Variants in DNAH1 observed in about 807,000 individuals in gnomAD.
DNAH1 encodes axonemal beta dynein heavy chain 1.
Under a neutral mutation model 484.3 loss-of-function variants are expected in DNAH1, and 327 were observed. That is an observed-to-expected ratio of 0.68 (90% CI 0.62 to 0.74). The LOEUF (loss-of-function observed/expected upper bound fraction) is 0.74. DNAH1 is among the 30% of genes least tolerant of loss of function. DNAH1 has a pLI of 0.00. For missense variants in DNAH1, 5,052 were observed against 5,546.8 expected, an observed-to-expected ratio of 0.91 and a Z score of 2.83; for synonymous variants, 2,192 against 2,191.9, an observed-to-expected ratio of 1.00 and a Z score of 0.00.
intron 8 of DNAH1, among the ~76,000 whole-genome samples, chr3:52,339,041 A>G (rs1162882487): frequency 6.6e-6 from 1 of 152,082 alleles, no homozygotes; most frequent in Non-Finnish European, 1.5e-5. Flanking sequence ...CTAAAAAAAA[A>G]AAAATTCCCT....
In DNAH1 at chr3:52,399,720, G is replaced by C; in HGVS notation, c.12617G>C (p.Arg4206Pro). 1 of 1,613,984 alleles carries C rather than the reference G, an allele frequency of 6.2e-7. No individual in the cohort carries two copies. Among genetic ancestry groups the C allele is most frequent in the Non-Finnish European group, 8.5e-7 (1 of 1,179,882 alleles). ...AVIWLLPTPN[R>P]KAQDQDFYLC... Reference sequence around the variant, plus strand: ...ATCTGGCTCTTGCCAACACCCAACCGCAAGGCCCAGGACCAGGACTTTTAC... The same window carrying C: ...ATCTGGCTCTTGCCAACACCCAACCCCAAGGCCCAGGACCAGGACTTTTAC... Residue 4206 changes from arginine (R) to proline (P), a missense_variant, in exon 77 of 78, where the codon CGC (arginine) becomes CCC (proline). Physicochemically the swap from Arg to Pro is moderately radical, Grantham distance 103. Coordinates refer to ENST00000420323, the MANE Select transcript of DNAH1 (RefSeq NM_015512.5).
At chr3:52,311,826 G>T (rs1186684433), upstream of DNAH1, among the ~76,000 whole-genome samples, 1 of 152,200 alleles carries the variant, frequency 6.6e-6, no homozygotes. Context: ...GTGAGCATGA[G>T]CCAGGGCAGC....
At chr3:52,390,206 T>A (rs1704311602) in intron 60 of DNAH1, among the ~76,000 whole-genome samples, 1 of 152,232 alleles carries the variant, frequency 6.6e-6, no homozygotes, top group Non-Finnish European at 1.5e-5. Context: ...TCAGATGCAG[T>A]GTAATCCCAG....
At position 52,396,669 on chromosome 3, in the gene DNAH1, G is replaced by T; in HGVS notation, c.11482G>T (p.Ala3828Ser). 1 of 1,613,592 alleles carries T rather than the reference G, an allele frequency of 6.2e-7. No individual in the cohort carries two copies. The highest frequency in any genetic ancestry group is 8.5e-7 in the Non-Finnish European group (1 of 1,179,830). ...LLSLCLFHGN[A>S]LERRKFGPLG... Reference sequence around the variant, plus strand: ...GTCTCTGTGCTTGTTCCATGGGAACGCCCTGGAGCGCCGTAAGTTTGGGCC... The same window carrying T: ...GTCTCTGTGCTTGTTCCATGGGAACTCCCTGGAGCGCCGTAAGTTTGGGCC... The change falls in exon 72 of 78, where the codon GCC (alanine) becomes TCC (serine). Residue 3828 changes from alanine to serine, a missense_variant. Transcript: ENST00000420323.
At chr3:52,350,612 A>T in intron 16 of DNAH1, 22 bp downstream of exon 16, 1 of 1,610,464 alleles carries the variant, frequency 6.2e-7, no homozygotes, top group Middle Eastern at 1.7e-4. Context: ...CTTGGCCCCC[A>T]TGCCAGGTGC....
chr3:52,392,729 C>T, intron 64 of DNAH1, 40 bp downstream of exon 64: 3 of 1,568,986 alleles, frequency 1.9e-6, no homozygotes, highest in Non-Finnish European at 2.6e-6. Context: ...CCGGGAGTGC[C>T]CCGGGCCTGC....
rs373173341 is a variant in DNAH1, at chr3:52,349,106, C to T, written c.2300+25C>T. The T allele has an allele frequency of 5.7e-4, 922 of 1,612,490 alleles. 3 individuals carry two copies. The highest frequency in any genetic ancestry group is 7.4e-4 in the Non-Finnish European group (868 of 1,179,200). The stretch of plus-strand genomic sequence containing the variant: ...AGTGCGTACGTGTGCCCATGCACGT[C>T]GGAGGGTGTCTGTGTGTTTGTGCAT... On this transcript the variant is annotated intron_variant, in intron 13 of 77. Coordinates refer to ENST00000420323, the MANE Select transcript of DNAH1 (RefSeq NM_015512.5).
In DNAH1 at chr3:52,396,629, CAA is replaced by C; in HGVS notation, c.11443_11444del (p.Lys3815ValfsTer18). On this transcript the variant is annotated frameshift_variant, in exon 72 of 78. Coordinates refer to ENST00000420323, the MANE Select transcript of DNAH1 (RefSeq NM_015512.5). LOFTEE classifies it high-confidence loss of function. ...CCCACCTCCCCCAGGTGATGGAGTT[CAA>C]GTCTCTGCTGCTGTCTCTGTGCTTG... is the stretch of plus-strand genomic sequence containing the variant. ...LNSCHKVMEF[K>X]SLLLSLCLFH... is the part of the protein sequence containing the mutation. 1 of 1,612,984 alleles carries C rather than the reference CAA, an allele frequency of 6.2e-7. No homozygotes were observed.
In DNAH1 at chr3:52,395,183, C is replaced by G; in HGVS notation, c.10968+124C>G. Reference sequence around the variant, plus strand: ...AGGACCCCTGCTTGCTCCCTAAAGGCTCTGAGGTTCCAGCCCCCACCAGGA... The same window carrying G: ...AGGACCCCTGCTTGCTCCCTAAAGGGTCTGAGGTTCCAGCCCCCACCAGGA... On this transcript the variant is annotated intron_variant, in intron 68 of 77. Coordinates refer to ENST00000420323, the MANE Select transcript of DNAH1 (RefSeq NM_015512.5). This position sits in a 1 kb window ranked among gnomAD's most constrained non-coding sequence, Gnocchi z 4.4. 6.7e-7 allele frequency: 1 copy of G among 1,492,180 alleles called. No individual in the cohort carries two copies. The highest frequency in any genetic ancestry group is 9.0e-7 in the Non-Finnish European group (1 of 1,111,702). The allele number at this position is 1,492,180 out of a possible 1,614,324, so 92.4% of individuals were successfully genotyped here. A position where few individuals can be genotyped will look rare whatever the true frequency, so the allele number is the denominator to read the frequency against.
intron 10 of DNAH1, among the ~76,000 whole-genome samples, chr3:52,346,010 A>G (rs1298682708): frequency 6.6e-6 from 1 of 152,194 alleles, no homozygotes; most frequent in Non-Finnish European, 1.5e-5. Context: ...AAGGGGGAGC[A>G]GGAACCTCAG....
intron 52 of DNAH1, 120 bp downstream of exon 52, chr3:52,384,151 C>A: frequency 8.9e-7 from 1 of 1,117,978 alleles, no homozygotes; most frequent in Non-Finnish European, 1.2e-6. Context: ...AGCTTTTGGT[C>A]AGGCTGTGTT....
intron 16 of DNAH1, among the ~76,000 whole-genome samples, chr3:52,351,599 T>C (rs1702381992): frequency 6.6e-6 from 1 of 152,216 alleles, no homozygotes; most frequent in South Asian, 2.1e-4. Flanking sequence ...AGACTGTGGC[T>C]TTGCCTCCTC....
chr3:52,312,932 G>A (rs1259933873), upstream of DNAH1, among the ~76,000 whole-genome samples: 1 of 152,148 alleles, frequency 6.6e-6, no homozygotes, highest in African/African-American at 2.4e-5. Context: ...GATTACAAGT[G>A]TGAGCCAGCA....
chr3:52,320,223 A>G (rs1245668950), intron 1 of DNAH1, among the ~76,000 whole-genome samples: 4 of 152,224 alleles, frequency 2.6e-5, no homozygotes, highest in African/African-American at 7.2e-5. Flanking sequence ...CTGAGCCCCA[A>G]GGCGTCCTCT....
chr3:52,349,544 C>A, intron 14 of DNAH1, 124 bp downstream of exon 14: 1 of 916,474 alleles, frequency 1.1e-6, no homozygotes, highest in Non-Finnish European at 1.7e-6. Flanking sequence ...GATGCCCAGG[C>A]CAAGGGAAGG....
chr3:52,370,129 G>T lies in DNAH1; in HGVS notation c.6158G>T (p.Arg2053Leu). ...CTGCAGGAATCCATCTCCTTCGTTCGGTCCTCAGTGAAGGAGGTGATCGCC... is the reference window on the plus strand; with the variant it reads ...CTGCAGGAATCCATCTCCTTCGTTCTGTCCTCAGTGAAGGAGGTGATCGCC... ...SFLEESISFVRSSVKEVIAST... is the reference protein window; with the variant it reads ...SFLEESISFVLSSVKEVIAST... The change falls in exon 39 of 78, where the codon CGG (arginine) becomes CTG (leucine). Residue 2053 changes from arginine to leucine, a missense_variant. By Grantham distance (102) the Arg-to-Leu change is moderately radical. Transcript: ENST00000420323. The T allele has an allele frequency of 6.2e-7, 1 of 1,613,956 alleles. No individual in the cohort carries two copies. The highest frequency in any genetic ancestry group is 8.5e-7 in the Non-Finnish European group (1 of 1,179,872).
chr3:52,349,719 C>T (rs532795855), intron 14 of DNAH1, among the ~76,000 whole-genome samples: 28 of 152,310 alleles, frequency 1.8e-4, no homozygotes, highest in African/African-American at 6.0e-4. Flanking sequence ...CTAGGGGATT[C>T]GAGTGCAGGC....
Position 52,362,597 on chromosome 3 carries a change from T to C in DNAH1, c.5094+96T>C. 9.0e-7 allele frequency: 1 copy of C among 1,113,322 alleles called. No homozygotes were observed. Among genetic ancestry groups the C allele is most frequent in the South Asian group, 1.4e-5 (1 of 71,954 alleles). 69.0% of individuals were successfully genotyped at this position (1,113,322 alleles called of 1,614,324 possible). A position where few individuals can be genotyped will look rare whatever the true frequency, so the allele number is the denominator to read the frequency against. On this transcript the variant is annotated intron_variant, in intron 31 of 77. Transcript: ENST00000420323. The surrounding 1 kb of genome is among the most constrained non-coding windows in gnomAD (Gnocchi z 5.1). ...TATGCAAGGACACAGTTGCTTGGAC[T>C]CCAGGGACTGTGATTCCCTATGGTA...
intron 9 of DNAH1, 28 bp from the exon 10 acceptor site, chr3:52,345,467 T>C (rs1268270107): frequency 6.5e-7 from 1 of 1,547,360 alleles, no homozygotes; most frequent in African/African-American, 1.4e-5. Context: ...CAGGGTCTGA[T>C]ACTGGCCCTT....
Sources: gnomAD v4.1 joint callset for allele counts (sites outside exome capture counted in the v4.1 genomes callset) on GRCh38, gnomAD v4.1.1 for gene constraint, Gnocchi (gnomAD v3.1) non-coding constraint, MANE v1.5 for transcripts, NCBI Gene and HGNC (gene_info 2026-07-23, HGNC 2026-07-21) for gene names.